The following PLPP3 variants were observed in gnomAD, a reference collection of about 807,000 sequenced individuals.
PLPP3 encodes phospholipid phosphatase 3.
PLPP3 carries 6 observed loss-of-function variants against 29.6 expected under a neutral mutation model. The ratio of observed to expected loss-of-function variants is 0.20; its 90% confidence interval spans 0.11 to 0.40. PLPP3 has a LOEUF of 0.40. Ranked by LOEUF, PLPP3 falls within the 10% of genes least tolerant of loss-of-function variation. The pLI is 1.00. For missense variants in PLPP3, 308 were observed against 407.7 expected, an observed-to-expected ratio of 0.76 and a Z score of 2.11; for synonymous variants, 152 against 159.7, an observed-to-expected ratio of 0.95 and a Z score of 0.36.
At chr1:56,514,878 CTA>C (rs980352683) in intron 4 of PLPP3, among the ~76,000 whole-genome samples, 2 of 152,172 alleles carry the variant, frequency 1.3e-5, no homozygotes, top group African/African-American at 4.8e-5. Context: ...AGGCCAAAGA[CTA>C]CTCCCTTAAT....
At chr1:56,511,903 C>G (rs748020498) in intron 5 of PLPP3, 73 bp downstream of exon 5, 21 of 1,572,180 alleles carry the variant, frequency 1.3e-5, no homozygotes, top group Non-Finnish European at 1.7e-5. Context: ...TAGCTTTAGT[C>G]ACTGAGCTGG....
chr1:56,551,099 A>G (rs1646035140), intron 1 of PLPP3, among the ~76,000 whole-genome samples: 1 of 152,040 alleles, frequency 6.6e-6, no homozygotes. Flanking sequence ...GGGTAGCCTC[A>G]CCTCAGAATG....
intron 5 of PLPP3, among the ~76,000 whole-genome samples, chr1:56,501,755 A>C (rs1569861593): frequency 6.6e-6 from 1 of 152,214 alleles, no homozygotes; most frequent in African/African-American, 2.4e-5. Context: ...TGATGAAGAG[A>C]TAAAACAAAC....
At chr1:56,507,468 G>A (rs1350994520) in intron 5 of PLPP3, among the ~76,000 whole-genome samples, 8 of 152,186 alleles carry the variant, frequency 5.3e-5, no homozygotes, top group Admixed American at 6.5e-5. Flanking sequence ...AGAAGGTTAA[G>A]CCATGGATTC....
intron 2 of PLPP3, among the ~76,000 whole-genome samples, chr1:56,534,960 C>T (rs1645914970): frequency 6.6e-6 from 1 of 152,130 alleles, no homozygotes; most frequent in African/African-American, 2.4e-5. Context: ...GGGGGTGTAG[C>T]TAAGGCTGGG....
intron 5 of PLPP3, among the ~76,000 whole-genome samples, chr1:56,511,456 T>C (rs1348998586): frequency 6.6e-6 from 1 of 152,120 alleles, no homozygotes; most frequent in African/African-American, 2.4e-5. Context: ...TTAGGGTCTG[T>C]GTGAGTCACT....
In PLPP3 at chr1:56,578,938, T is replaced by G. The variant is rs530704931; in HGVS notation, c.79A>C (p.Arg27=). ...GGSPALNNNP[R]RSGSKRVLLI... ...AGCACCCGCTTGCTGCCGCTCCTCC[T>G]CGGGTTGTTGTTGAGCGCCGGGCTG... The change falls in exon 1 of 6, where the codon AGG becomes CGG. Residue 27 remains arginine (R), a synonymous_variant. Transcript: ENST00000371250. 3 of 1,606,472 alleles carry G rather than the reference T, an allele frequency of 1.9e-6. No homozygotes were observed. In the African/African-American group the frequency reaches 4.1e-5, roughly 22 times the overall value.
At chr1:56,570,756 T>G (rs1399063475) in intron 1 of PLPP3, among the ~76,000 whole-genome samples, 1 of 152,102 alleles carries the variant, frequency 6.6e-6, no homozygotes, top group Non-Finnish European at 1.5e-5. Context: ...AATAAATAAA[T>G]AAATAATAAA....
At chr1:56,499,948 C>T (rs188929503) in intron 5 of PLPP3, among the ~76,000 whole-genome samples, 483 of 152,242 alleles carry the variant, frequency 3.2e-3, no homozygotes, top group Middle Eastern at 6.8e-3. Flanking sequence ...CCACTGCCAG[C>T]CCACAATCCT....
intron 1 of PLPP3, among the ~76,000 whole-genome samples, chr1:56,558,579 A>G (rs1267637717): frequency 6.6e-6 from 1 of 152,244 alleles, no homozygotes; most frequent in Admixed American, 6.5e-5. Flanking sequence ...CTTAAGGGTC[A>G]GGGTATATTC....
Position 56,496,431 on chromosome 1 carries a change from T to C in PLPP3, c.*120A>G, listed in dbSNP as rs566730452. 1 of 1,310,760 alleles carries C rather than the reference T, an allele frequency of 7.6e-7. No individual in the cohort carries two copies. Among genetic ancestry groups the C allele is most frequent in the African/African-American group, 1.5e-5 (1 of 67,326 alleles). 81.2% of individuals were successfully genotyped at this position (1,310,760 alleles called of 1,614,324 possible). A position where few individuals can be genotyped will look rare whatever the true frequency, so the allele number is the denominator to read the frequency against. ...ATAGTAAAACATTTTTTTTTTCCTT[T>C]TTAAAAATCAGTCGGGCAAAAGTTT... On this transcript the variant is annotated 3_prime_UTR_variant, in exon 6 of 6. Coordinates refer to ENST00000371250, the MANE Select transcript of PLPP3 (RefSeq NM_003713.5).
intron 1 of PLPP3, among the ~76,000 whole-genome samples, chr1:56,570,257 C>T (rs1044347309): frequency 6.6e-6 from 1 of 152,128 alleles, no homozygotes; most frequent in Non-Finnish European, 1.5e-5. Flanking sequence ...GAATGGTTTC[C>T]TTCGTGTCAA....
chr1:56,496,698 C>A, intron 5 of PLPP3, 22 bp from the exon 6 acceptor site: 4 of 1,611,622 alleles, frequency 2.5e-6, no homozygotes, highest in Non-Finnish European at 3.4e-6. Flanking sequence ...AATCAGAGAT[C>A]GAAGTCAGTA....
At chr1:56,502,873 G>A (rs553154135) in intron 5 of PLPP3, among the ~76,000 whole-genome samples, 8 of 152,322 alleles carry the variant, frequency 5.3e-5, no homozygotes, top group South Asian at 4.1e-4. Context: ...CCATGTGAGC[G>A]TAAAGACCAT....
chr1:56,505,093 C>T (rs1308460727), intron 5 of PLPP3, among the ~76,000 whole-genome samples: 3 of 152,120 alleles, frequency 2.0e-5, no homozygotes, highest in African/African-American at 7.2e-5. Context: ...TTATAGATGG[C>T]GGTCAAGTCT....
intron 1 of PLPP3, among the ~76,000 whole-genome samples, chr1:56,567,419 A>ATTTTTTTTTTTTTTTTTTT: frequency 2.3e-5 from 1 of 44,226 alleles, no homozygotes; most frequent in Non-Finnish European, 4.7e-5. Flanking sequence ...TTTTTTTGAG[A>ATTTTTTTTTTTTTTTTTTT]TGGAGTCTCG....
intron 5 of PLPP3, among the ~76,000 whole-genome samples, chr1:56,499,954 A>T (rs1435735694): frequency 6.6e-6 from 1 of 152,194 alleles, no homozygotes; most frequent in Non-Finnish European, 1.5e-5. Flanking sequence ...CCAGCCCACA[A>T]TCCTACTCCA....
intron 1 of PLPP3, among the ~76,000 whole-genome samples, chr1:56,542,577 C>T (rs945960812): frequency 2.6e-5 from 4 of 152,070 alleles, no homozygotes; most frequent in Non-Finnish European, 5.9e-5. Flanking sequence ...AATCCATAGT[C>T]ATTATAAAAT....
intron 5 of PLPP3, among the ~76,000 whole-genome samples, chr1:56,506,479 C>T (rs770540526): frequency 1.8e-4 from 28 of 152,192 alleles, no homozygotes; most frequent in Admixed American, 7.9e-4. Context: ...AGCGGAGCCA[C>T]ACCCCCGGGA....
Sources: gnomAD v4.1 joint callset for allele counts (sites outside exome capture counted in the v4.1 genomes callset) on GRCh38, gnomAD v4.1.1 for gene constraint, MANE v1.5 for transcripts, NCBI Gene and HGNC (gene_info 2026-07-23, HGNC 2026-07-21) for gene names.